The following NLGN4Y variants were observed in gnomAD, a reference collection of about 807,000 sequenced individuals.
NLGN4Y encodes the protein neuroligin-4, Y-linked.
Under a neutral mutation model 8.4 loss-of-function variants are expected in NLGN4Y, and 4 were observed. That is an observed-to-expected ratio of 0.48 (90% CI 0.23 to 1.09). The LOEUF (loss-of-function observed/expected upper bound fraction) is 1.09. Ranked by LOEUF, NLGN4Y falls within the 50% of genes least tolerant of loss-of-function variation. NLGN4Y has a pLI of 0.19. For missense variants in NLGN4Y, 90 were observed against 192.3 expected (o/e 0.47, Z 3.15); for synonymous variants, 35 against 75.6 (o/e 0.46, Z 2.78).
At chrY:14,526,597 T>TAA (rs2080095231) in intron 1 of NLGN4Y, among the ~76,000 whole-genome samples, 1 of 33,196 alleles carries the variant, frequency 3.0e-5, no homozygotes, top group Non-Finnish European at 7.4e-5. Flanking sequence ...TGTGTGTGTG[T>TAA]AACACTAGAA....
At chrY:14,717,264 G>A in intron 2 of NLGN4Y, among the ~76,000 whole-genome samples, 1 of 33,190 alleles carries the variant, frequency 3.0e-5, no homozygotes, top group Non-Finnish European at 7.5e-5. Flanking sequence ...CATGGTGGAG[G>A]GCACCTGTAG....
intron 1 of NLGN4Y, among the ~76,000 whole-genome samples, chrY:14,590,339 G>T (rs1048197494): frequency 5.0e-4 from 17 of 33,955 alleles, no homozygotes; most frequent in Non-Finnish European, 9.6e-4. Context: ...CCAGCATGCT[G>T]TCACCTCTCA....
At chrY:14,776,043 C>T (rs2081124277) in intron 4 of NLGN4Y, among the ~76,000 whole-genome samples, 1 of 31,998 alleles carries the variant, frequency 3.1e-5, no homozygotes, top group Non-Finnish European at 7.5e-5. Context: ...CCTCTGCAAA[C>T]CAAAAAAATG....
intron 4 of NLGN4Y, among the ~76,000 whole-genome samples, chrY:14,747,993 T>G (rs762563872): frequency 1.2e-4 from 4 of 33,653 alleles, no homozygotes. Flanking sequence ...TTATTCCTTA[T>G]CAGGTCCAGC....
At chrY:14,563,088 A>G (rs748971510) in intron 1 of NLGN4Y, among the ~76,000 whole-genome samples, 2 of 34,052 alleles carry the variant, frequency 5.9e-5, no homozygotes, top group African/African-American at 2.3e-4. Context: ...TATGTTGAAC[A>G]GAAGTGGTGA....
upstream of NLGN4Y, chrY:14,524,412 G>C (rs777514942): frequency 1.4e-3 from 131 of 92,074 alleles, no homozygotes; most frequent in Non-Finnish European, 2.8e-3. Flanking sequence ...CTGCTGACCC[G>C]GGCCGATTTC....
chrY:14,834,658 A>G (rs2043191294), intron 6 of NLGN4Y, among the ~76,000 whole-genome samples: 1 of 34,150 alleles, frequency 2.9e-5, no homozygotes, highest in South Asian at 6.5e-4. Context: ...CCTATAAGAG[A>G]AAGAAATGAG....
At chrY:14,827,014 C>A in intron 5 of NLGN4Y, among the ~76,000 whole-genome samples, 1 of 33,989 alleles carries the variant, frequency 2.9e-5, no homozygotes, top group Non-Finnish European at 7.3e-5. Flanking sequence ...TCACTATGCT[C>A]CTCAGTGTCT....
At chrY:14,661,933 C>G in intron 2 of NLGN4Y, among the ~76,000 whole-genome samples, 1 of 33,925 alleles carries the variant, frequency 2.9e-5, no homozygotes, top group African/African-American at 1.1e-4. Context: ...TAGGGTCAAA[C>G]TATGTGAAAG....
chrY:14,655,606 C>A, intron 2 of NLGN4Y, among the ~76,000 whole-genome samples: 1 of 33,244 alleles, frequency 3.0e-5, no homozygotes, highest in African/African-American at 1.2e-4. Flanking sequence ...CCTTTGACAC[C>A]CTTTGTTCCA....
intron 4 of NLGN4Y, among the ~76,000 whole-genome samples, chrY:14,785,715 G>T: frequency 8.4e-5 from 2 of 23,783 alleles, no homozygotes; most frequent in African/African-American, 1.6e-4. Flanking sequence ...AGTGAGCTGA[G>T]ATCGCACCGC....
At chrY:14,836,878 A>G in intron 6 of NLGN4Y, among the ~76,000 whole-genome samples, 6 of 33,702 alleles carry the variant, frequency 1.8e-4, no homozygotes, top group Non-Finnish European at 3.7e-4. Flanking sequence ...GTTGTGTGCT[A>G]TTGGAAGTCA....
At chrY:14,777,689 G>C in intron 4 of NLGN4Y, among the ~76,000 whole-genome samples, 1 of 29,619 alleles carries the variant, frequency 3.4e-5, no homozygotes, top group Non-Finnish European at 7.9e-5. Context: ...GAGAGACAGA[G>C]AGAGAAATTG....
chrY:14,737,994 A>T, intron 4 of NLGN4Y, among the ~76,000 whole-genome samples: 1 of 33,037 alleles, frequency 3.0e-5, no homozygotes, highest in East Asian at 7.8e-4. Context: ...TAAATATTTT[A>T]ATTATATTTT....
chrY:14,551,079 T>C (rs763504996), intron 1 of NLGN4Y, among the ~76,000 whole-genome samples: 1 of 32,965 alleles, frequency 3.0e-5, no homozygotes, highest in South Asian at 6.7e-4. Context: ...ACACTCAAAA[T>C]AAAGGGATGG....
At chrY:14,806,320 T>G in intron 4 of NLGN4Y, among the ~76,000 whole-genome samples, 2 of 32,604 alleles carry the variant, frequency 6.1e-5, no homozygotes, top group Admixed American at 5.7e-4. Flanking sequence ...GAACAAAATC[T>G]AATGGACCAT....
chrY:14,550,530 G>A (rs908551041), intron 1 of NLGN4Y, among the ~76,000 whole-genome samples: 13 of 33,825 alleles, frequency 3.8e-4, no homozygotes, highest in South Asian at 6.5e-4. Flanking sequence ...TGTTCCTTCC[G>A]TATTTAGTCC....
chrY:14,744,256 G>T, intron 4 of NLGN4Y, among the ~76,000 whole-genome samples: 1 of 33,402 alleles, frequency 3.0e-5, no homozygotes, highest in Non-Finnish European at 7.4e-5. Flanking sequence ...AGAAGATAAA[G>T]AGTGAGGATG....
chrY:14,629,980 C>T (rs2080543219), intron 2 of NLGN4Y, among the ~76,000 whole-genome samples: 1 of 33,543 alleles, frequency 3.0e-5, no homozygotes, highest in Non-Finnish European at 7.3e-5. Context: ...GAATCATGGT[C>T]CTTGAGAGAT....
Sources: allele counts gnomAD v4.1 joint callset (sites outside exome capture counted in the v4.1 genomes callset), GRCh38; gene constraint gnomAD v4.1.1; transcripts MANE v1.5; gene names NCBI Gene and HGNC (gene_info 2026-07-23, HGNC 2026-07-21).